The following TARS2 variants were observed in gnomAD, a reference collection of about 807,000 sequenced individuals.
TARS2 encodes the protein threonyl-tRNA synthetase 2, mitochondrial, also known as threonine--tRNA ligase, mitochondrial.
TARS2 carries 61 observed loss-of-function variants against 94.4 expected under a neutral mutation model. That is an observed-to-expected ratio of 0.65 (90% CI 0.53 to 0.80). The LOEUF (loss-of-function observed/expected upper bound fraction) is 0.80, where lower values mean the gene tolerates loss of function less well. Ranked by LOEUF, TARS2 falls within the 30% of genes least tolerant of loss-of-function variation. TARS2 has a pLI of 0.00. For synonymous variants in TARS2, 359 were observed against 353.4 expected (o/e 1.02, Z -0.18); for missense variants, 704 against 902.5 (o/e 0.78, Z 2.82).
At chr1:150,503,587 G>A (rs9436123) in intron 13 of TARS2, among the ~76,000 whole-genome samples, 877 of 72,832 alleles carry the variant, frequency 0.012, 7 homozygotes, top group East Asian at 0.03. Flanking sequence ...GTATATATAT[G>A]TGTGTGTGTG....
At chr1:150,505,022 G>T in intron 16 of TARS2, 44 bp downstream of exon 16, 1 of 1,604,064 alleles carries the variant, frequency 6.2e-7, no homozygotes, top group South Asian at 1.1e-5. Context: ...AGGTCCAGTA[G>T]AGAGTCTGGT....
chr1:150,496,440 T>C lies in TARS2; in HGVS notation c.775-42T>C, dbSNP rs1260485604. 5.1e-6 allele frequency: 8 copies of C among 1,558,842 alleles called. No individual in the cohort carries two copies. In the Admixed American group the frequency reaches 7.6e-5, roughly 15 times the overall value. ...TGAGTCTTGAAAAAGGTGGGGGCCT[T>C]CAGTCCTCATCTTTCCTTTGATCCC... On this transcript the variant is annotated intron_variant, in intron 7 of 17. Coordinates refer to ENST00000369064, the MANE Select transcript of TARS2 (RefSeq NM_025150.5).
At chr1:150,504,536 A>G in intron 14 of TARS2, 96 bp from the exon 15 acceptor site, 2 of 1,566,944 alleles carry the variant, frequency 1.3e-6, no homozygotes, top group Non-Finnish European at 1.8e-6. Context: ...CTCTCCTGCC[A>G]GAGCTGAATA....
In TARS2 at chr1:150,492,391, TG is replaced by T. The variant is rs762978927; in HGVS notation, c.696-18del. 82 of 1,612,846 alleles carry T rather than the reference TG, an allele frequency of 5.1e-5. No homozygotes were observed. The highest frequency in any genetic ancestry group is 6.8e-5 in the Non-Finnish European group (80 of 1,179,010). On this transcript the variant is annotated intron_variant, in intron 6 of 17. Transcript: ENST00000369064. ...GCTGAAGATTCTGAAAATCACTAAC[TG>T]GCCTCTTCTTTCTCCTAGGTGTGGC...
At chr1:150,490,914 T>A (rs1227178399) in intron 4 of TARS2, among the ~76,000 whole-genome samples, 189 bp downstream of exon 4, 1 of 152,008 alleles carries the variant, frequency 6.6e-6, no homozygotes, top group Non-Finnish European at 1.5e-5. Flanking sequence ...GAAATTTACC[T>A]TCTTGGCTGG....
At chr1:150,506,484 G>GCA (rs777723888) in intron 17 of TARS2, among the ~76,000 whole-genome samples, 5,661 of 93,432 alleles carry the variant, frequency 0.061, 403 homozygotes, top group Non-Finnish European at 0.071. Flanking sequence ...AGACACGCGC[G>GCA]CGCACACACA....
Position 150,503,644 on chromosome 1 carries a change from T to TACGTGTGTATAC in TARS2, c.1618-690_1618-689insCGTGTGTATACA, listed in dbSNP as rs1171170659. ...GTGTGTGTATATATGTGTGTGTATA[T>TACGTGTGTATAC]ATGTGTGTATATATGTGTGTATATA... On this transcript the variant is annotated intron_variant, in intron 13 of 17. Coordinates refer to ENST00000369064, the MANE Select transcript of TARS2 (RefSeq NM_025150.5). Among the ~76,000 whole-genome samples, 780 of 117,484 alleles carry TACGTGTGTATAC rather than the reference T, an allele frequency of 6.6e-3. 11 individuals are homozygous for TACGTGTGTATAC. The highest frequency in any genetic ancestry group is 0.033 in the Middle Eastern group (8 of 244). The allele number at this position is 117,484 out of a possible 152,430, so 77.1% of individuals were successfully genotyped here. A position where few individuals can be genotyped will look rare whatever the true frequency, so the allele number is the denominator to read the frequency against.
In TARS2 at chr1:150,496,934, A is replaced by G. The variant is rs951268388; in HGVS notation, c.1020+26A>G. ...GTAAGGGGACCCAGGTCTAGAGGAA[A>G]GAAGACCAGGGAGGGGCTGAGGGAC... On this transcript the variant is annotated intron_variant, in intron 9 of 17. Coordinates refer to ENST00000369064, the MANE Select transcript of TARS2 (RefSeq NM_025150.5). 6 of 1,608,334 alleles carry G rather than the reference A, an allele frequency of 3.7e-6. No individual in the cohort carries two copies. The African/African-American group carries it at 6.7e-5, about 18-fold the overall frequency.
chr1:150,501,463 AGG>A (rs1669917234), intron 13 of TARS2, among the ~76,000 whole-genome samples: 1 of 107,212 alleles, frequency 9.3e-6, no homozygotes, highest in Non-Finnish European at 2.1e-5. Flanking sequence ...GACTATAGGC[AGG>A]CACCCATCAC....
intron 9 of TARS2, among the ~76,000 whole-genome samples, chr1:150,497,194 A>G (rs935259405): frequency 6.6e-6 from 1 of 152,096 alleles, no homozygotes; most frequent in Non-Finnish European, 1.5e-5. Flanking sequence ...CTGAGGCAGG[A>G]GAATCCCTTG....
chr1:150,503,585 A>ATATATGTG (rs1461714331), intron 13 of TARS2, among the ~76,000 whole-genome samples: 2,722 of 137,138 alleles, frequency 0.02, 51 homozygotes, highest in Admixed American at 0.033. Context: ...GTGTATATAT[A>ATATATGTG]TGTGTGTGTG....
In TARS2 at chr1:150,489,078, G is replaced by C; in HGVS notation, c.378G>C (p.Glu126Asp). 1 of 1,614,118 alleles carries C rather than the reference G, an allele frequency of 6.2e-7. No individual in the cohort carries two copies. ...GATTTCTGACATTCGATTCCCCAGA[G>C]GGGAAAGCAGTAAGTTTCTTTCTTA... is the stretch of plus-strand genomic sequence containing the variant. ...DLRFLTFDSP[E>D]GKAVFWHSST... is the part of the protein sequence containing the mutation. The change falls in exon 3 of 18, where the codon GAG becomes GAC. Residue 126 changes from glutamate (E) to aspartate (D), a missense_variant. This residue lies in a region of TARS2 where 208 missense variants were observed against 228.5 expected (regional missense o/e 0.91). Transcript: ENST00000369064.
chr1:150,496,146 C>CT (rs1669656121), intron 7 of TARS2, among the ~76,000 whole-genome samples: 1 of 152,114 alleles, frequency 6.6e-6, no homozygotes, highest in East Asian at 1.9e-4. Flanking sequence ...GAGGAATAGA[C>CT]TGACATTTGA....
intron 7 of TARS2, among the ~76,000 whole-genome samples, chr1:150,494,070 G>A (rs1669528208): frequency 6.6e-6 from 1 of 151,778 alleles, no homozygotes; most frequent in Non-Finnish European, 1.5e-5. Flanking sequence ...ACCTCATAAA[G>A]ATAATGAAAA....
At chr1:150,491,960 A>AT in intron 6 of TARS2, 10 of 116,412 alleles carry the variant, frequency 8.6e-5, no homozygotes, top group Non-Finnish European at 1.3e-4. Flanking sequence ...ATGCCTGGCT[A>AT]GTTTTTTTTT....
intron 6 of TARS2, chr1:150,492,076 CT>C (rs1669419688): frequency 3.7e-6 from 1 of 272,830 alleles, no homozygotes; most frequent in African/African-American, 2.3e-5. Flanking sequence ...AACAATTCTT[CT>C]GCCTCAGCCT....
rs1570827920 is a variant in TARS2 at position 150,487,717 on chromosome 1, C to T, written c.67-141C>T. 4 of 1,296,890 alleles carry T rather than the reference C, an allele frequency of 3.1e-6. No homozygotes were observed. The East Asian group carries it at 9.4e-5, about 31-fold the overall frequency. 80.3% of individuals were successfully genotyped at this position (1,296,890 alleles called of 1,614,324 possible). On this transcript the variant is annotated intron_variant, in intron 1 of 17. Coordinates refer to ENST00000369064, the MANE Select transcript of TARS2 (RefSeq NM_025150.5). The stretch of plus-strand genomic sequence containing the variant: ...ACTCTGAGCTCGAAGGACCCCCAGC[C>T]TAGGGTCTTGTATCACCCAATCCCC...
chr1:150,495,395 T>C (rs1383067379), intron 7 of TARS2, among the ~76,000 whole-genome samples: 1 of 151,702 alleles, frequency 6.6e-6, no homozygotes, highest in Non-Finnish European at 1.5e-5. Flanking sequence ...AGTTTTATTT[T>C]ATTTCATTTT....
intron 2 of TARS2, 186 bp downstream of exon 2, chr1:150,488,240 G>T (rs1669235866): frequency 1.5e-6 from 1 of 648,520 alleles, no homozygotes; most frequent in Admixed American, 3.1e-5. Flanking sequence ...TCTCCATGTT[G>T]CCCAGGCTAG....
Sources: gnomAD v4.1 joint callset for allele counts (sites outside exome capture counted in the v4.1 genomes callset) on GRCh38, gnomAD v4.1.1 for gene constraint, gnomAD v4.1.1 regional missense constraint, MANE v1.5 for transcripts, NCBI Gene and HGNC (gene_info 2026-07-23, HGNC 2026-07-21) for gene names.